Variants in CCDC85A observed in about 807,000 individuals in gnomAD.
The protein encoded by CCDC85A is coiled-coil domain-containing protein 85A.
A neutral mutation model predicts 50.2 loss-of-function variants in CCDC85A; 38 were observed. The ratio of observed to expected loss-of-function variants is 0.76; its 90% CI spans 0.58 to 0.99. The LOEUF (loss-of-function observed/expected upper bound fraction) is 0.99. CCDC85A is among the 50% of genes least tolerant of loss of function. The pLI is 0.00. For synonymous variants in CCDC85A, 366 were observed against 301.4 expected (o/e 1.21, Z -2.22); for missense variants, 820 against 742.0 (o/e 1.11, Z -1.22).
chr2:56,193,838 G>A (rs2103829516), intron 2 of CCDC85A, among the ~76,000 whole-genome samples: 1 of 152,268 alleles, frequency 6.6e-6, no homozygotes, highest in South Asian at 2.1e-4. Flanking sequence ...TGGAATGGTT[G>A]CCAAAAGGAT....
chr2:56,208,251 A>G (rs573283001), intron 2 of CCDC85A, among the ~76,000 whole-genome samples: 3 of 152,286 alleles, frequency 2.0e-5, no homozygotes, highest in South Asian at 4.1e-4. Context: ...ACTGGTTTTT[A>G]CAGTATTCAG....
At chr2:56,203,635 A>G (rs891969721) in intron 2 of CCDC85A, among the ~76,000 whole-genome samples, 3 of 152,258 alleles carry the variant, frequency 2.0e-5, no homozygotes, top group East Asian at 1.9e-4. Flanking sequence ...GATTATTTCT[A>G]TTCGCAAGGC....
At chr2:56,300,831 A>G (rs1445426903) in intron 2 of CCDC85A, among the ~76,000 whole-genome samples, 1 of 152,210 alleles carries the variant, frequency 6.6e-6, no homozygotes, top group Non-Finnish European at 1.5e-5. Flanking sequence ...CTTTTACTGA[A>G]CATGATTGCC....
chr2:56,220,274 C>G (rs1293949204), intron 2 of CCDC85A, among the ~76,000 whole-genome samples: 1 of 151,938 alleles, frequency 6.6e-6, no homozygotes, highest in Non-Finnish European at 1.5e-5. Context: ...CTCCAGTGCA[C>G]TATTATATTC....
chr2:56,282,904 C>T (rs757487645), intron 2 of CCDC85A, among the ~76,000 whole-genome samples: 13 of 152,142 alleles, frequency 8.5e-5, no homozygotes, highest in Admixed American at 3.3e-4. Context: ...TAAATTCATT[C>T]CTAATGACTT....
chr2:56,263,318 A>G (rs1044406173), intron 2 of CCDC85A, among the ~76,000 whole-genome samples: 1 of 152,264 alleles, frequency 6.6e-6, no homozygotes, highest in African/African-American at 2.4e-5. Context: ...AAACTTGATT[A>G]AGAAATCCAT....
chr2:56,283,493 T>G (rs929184657), intron 2 of CCDC85A, among the ~76,000 whole-genome samples: 1 of 152,192 alleles, frequency 6.6e-6, no homozygotes, highest in African/African-American at 2.4e-5. Flanking sequence ...CATTTGCTGG[T>G]TTTGGATTTA....
chr2:56,312,837 A>G (rs1402466968), intron 2 of CCDC85A, among the ~76,000 whole-genome samples: 1 of 152,106 alleles, frequency 6.6e-6, no homozygotes, highest in African/African-American at 2.4e-5. Context: ...AATTTTGCAA[A>G]TCTGACTATT....
At chr2:56,343,062 C>A (rs993561360) in intron 3 of CCDC85A, 107 bp downstream of exon 3, 9 of 759,424 alleles carry the variant, frequency 1.2e-5, no homozygotes, top group Non-Finnish European at 1.9e-5. Flanking sequence ...TGATAGAAAT[C>A]ATTTTGTAAA....
intron 2 of CCDC85A, among the ~76,000 whole-genome samples, chr2:56,214,086 A>G (rs1415365380): frequency 6.6e-6 from 1 of 151,712 alleles, no homozygotes; most frequent in Non-Finnish European, 1.5e-5. Flanking sequence ...TACACGGATA[A>G]GTACAGCCTT....
chr2:56,325,250 T>C (rs1206879270), intron 2 of CCDC85A, among the ~76,000 whole-genome samples: 1 of 152,142 alleles, frequency 6.6e-6, no homozygotes, highest in Non-Finnish European at 1.5e-5. Flanking sequence ...TGTATAATTA[T>C]AGGCTATATG....
chr2:56,273,430 G>A (rs1670785594), intron 2 of CCDC85A, among the ~76,000 whole-genome samples: 1 of 151,918 alleles, frequency 6.6e-6, no homozygotes, highest in Non-Finnish European at 1.5e-5. Flanking sequence ...AGAAAAAATT[G>A]GAGTTAGACT....
intron 2 of CCDC85A, among the ~76,000 whole-genome samples, chr2:56,236,732 C>G (rs1669031824): frequency 6.6e-6 from 1 of 152,064 alleles, no homozygotes; most frequent in South Asian, 2.1e-4. Context: ...GACGAGAATC[C>G]AGATCTCCTG....
chr2:56,249,001 C>T (rs1173270292), intron 2 of CCDC85A, among the ~76,000 whole-genome samples: 1 of 152,214 alleles, frequency 6.6e-6, no homozygotes, highest in Non-Finnish European at 1.5e-5. Flanking sequence ...TAGGGCGGGA[C>T]TGTGACCTTC....
At chr2:56,312,452 A>G (rs1356742199) in intron 2 of CCDC85A, among the ~76,000 whole-genome samples, 1 of 152,156 alleles carries the variant, frequency 6.6e-6, no homozygotes, top group African/African-American at 2.4e-5. Context: ...TGTAGTTACA[A>G]TTTATGATGC....
chr2:56,341,620 T>C (rs6748308), intron 2 of CCDC85A, among the ~76,000 whole-genome samples: 44,381 of 152,218 alleles, frequency 0.29, 7,898 homozygotes, highest in African/African-American at 0.5. Flanking sequence ...AATAAAATTT[T>C]ACTTTTCTTC....
intron 2 of CCDC85A, among the ~76,000 whole-genome samples, chr2:56,229,423 T>C (rs565300836): frequency 1.3e-5 from 2 of 152,336 alleles, no homozygotes; most frequent in South Asian, 4.1e-4. Context: ...CTAGTAACAT[T>C]GTTGCTTGTA....
At chr2:56,312,845 A>G (rs531208316) in intron 2 of CCDC85A, among the ~76,000 whole-genome samples, 44 of 152,054 alleles carry the variant, frequency 2.9e-4, no homozygotes, top group Non-Finnish European at 5.1e-4. Context: ...AAATCTGACT[A>G]TTTATAAGTC....
chr2:56,329,943 CTGTTTTTTTTTTTTTTTTTTTT>C (rs1673687495), intron 2 of CCDC85A, among the ~76,000 whole-genome samples: 2 of 22,874 alleles, frequency 8.7e-5, no homozygotes, highest in African/African-American at 1.4e-4. Flanking sequence ...TACAGATTTC[CTGTTTTTTTTTTTTTTTTTTTT>C]TTTTTTTTTT....
Sources: gnomAD v4.1 joint callset for allele counts (sites outside exome capture counted in the v4.1 genomes callset) on GRCh38, gnomAD v4.1.1 for gene constraint, MANE v1.5 for transcripts, NCBI Gene and HGNC (gene_info 2026-07-23, HGNC 2026-07-21) for gene names.